Variants in TRPM5 observed in about 807,000 individuals in gnomAD.
TRPM5 encodes the protein MLSN1 and TRP-related.
TRPM5 carries 121 observed loss-of-function variants against 124.9 expected under a neutral mutation model. The ratio of observed to expected loss-of-function variants is 0.97; its 90% CI spans 0.84 to 1.13. TRPM5 has a LOEUF of 1.13. Among genes scored for constraint, TRPM5 ranks in the 50% most tolerant of loss-of-function variants. The probability of loss-of-function intolerance (pLI) is 0.00; values close to 1 mark genes in which losing one functional copy is unlikely to be tolerated. For missense variants in TRPM5, 1,643 were observed against 1,589.1 expected (o/e 1.03, Z -0.58); for synonymous variants, 781 against 700.5 (o/e 1.11, Z -1.81).
chr11:2,440,193 G>A, the TRPM5 span, among the ~76,000 whole-genome samples: 12 of 152,290 alleles, frequency 7.9e-5, no homozygotes, highest in East Asian at 5.8e-4. The surrounding 1 kb of genome is among the most constrained non-coding windows in gnomAD (Gnocchi z 5.2). Flanking sequence ...TAGATGGTGG[G>A]GGAGCAAGCG....
At chr11:2,420,364 G>A (rs1485518895) in exon 4 of TRPM5, 6 of 1,612,590 alleles carry the variant, frequency 3.7e-6, no homozygotes, top group Admixed American at 1.7e-5. Context: ...GGGGGCCCTG[G>A]CTGCCGCCGT....
exon 8 of TRPM5, chr11:2,415,933 C>T: frequency 6.3e-7 from 1 of 1,578,728 alleles, no homozygotes; most frequent in Non-Finnish European, 8.6e-7. Flanking sequence ...CATTGAAGAT[C>T]TCACTCTTGG....
Sources: allele counts gnomAD v4.1 joint callset (sites outside exome capture counted in the v4.1 genomes callset), GRCh38; gene constraint gnomAD v4.1.1; non-coding constraint Gnocchi (gnomAD v3.1); transcripts MANE v1.5; gene names NCBI Gene and HGNC (gene_info 2026-07-23, HGNC 2026-07-21).